AGPS: variants seen among roughly 807,000 people sequenced by gnomAD.
AGPS encodes alkylglycerone phosphate synthase.
In AGPS, 26 loss-of-function variants were observed where a neutral mutation model predicts 90.7. The observed-to-expected ratio is 0.29, with a 90% CI of 0.21 to 0.40. The LOEUF is 0.40. Ranked by LOEUF, AGPS falls within the 10% of genes least tolerant of loss-of-function variation. The pLI, the probability that AGPS is intolerant of heterozygous loss-of-function variation, is 1.00. For missense variants in AGPS, 540 were observed against 816.1 expected (o/e 0.66, Z 4.12); for synonymous variants, 294 against 285.3 (o/e 1.03, Z -0.31).
At position 177,542,663 on chromosome 2, in the gene AGPS, CT is replaced by C. The variant is rs1478707088; in HGVS notation, c.*4472del. ...CATATATACATGTTTTTAAGACAAC[CT>C]TTTGTTGGCAGTGTTTTTCCTGAAC... On this transcript the variant is annotated 3_prime_UTR_variant, in exon 20 of 20. Transcript: ENST00000264167. 1.3e-5 allele frequency: 2 copies of C among 152,040 alleles called. No homozygotes were observed. The highest frequency in any genetic ancestry group is 2.9e-5 in the Non-Finnish European group (2 of 67,996). The allele number at this position is 152,040 out of a possible 1,614,324, so 9.4% of individuals were successfully genotyped here. A position where few individuals can be genotyped will look rare whatever the true frequency, so the allele number is the denominator to read the frequency against.
At chr2:177,512,960 C>G (rs1254338446) in intron 16 of AGPS, among the ~76,000 whole-genome samples, 1 of 152,106 alleles carries the variant, frequency 6.6e-6, no homozygotes, top group African/African-American at 2.4e-5. Context: ...CCTCCTGTCT[C>G]AGCCTCCCAA....
At chr2:177,508,844 C>G (rs904371182) in intron 16 of AGPS, among the ~76,000 whole-genome samples, 3 of 152,118 alleles carry the variant, frequency 2.0e-5, no homozygotes, top group African/African-American at 7.2e-5. Flanking sequence ...GGAAATTTCA[C>G]TGGAAATCAC....
chr2:177,399,968 G>C (rs1685288251), intron 1 of AGPS, among the ~76,000 whole-genome samples: 3 of 152,162 alleles, frequency 2.0e-5, no homozygotes, highest in Admixed American at 2.0e-4. Flanking sequence ...CCATTGGGTA[G>C]ATATATACCA....
intron 19 of AGPS, among the ~76,000 whole-genome samples, chr2:177,535,929 C>T (rs1304303304): frequency 6.6e-6 from 1 of 151,702 alleles, no homozygotes; most frequent in Non-Finnish European, 1.5e-5. Context: ...TTCTACTTCA[C>T]TAATCAAATG....
chr2:177,462,099 T>A, intron 9 of AGPS, 81 bp downstream of exon 9: 1 of 1,329,952 alleles, frequency 7.5e-7, no homozygotes, highest in Non-Finnish European at 1.0e-6. Flanking sequence ...CTTTAAAAAT[T>A]AAGAGTTGGG....
rs1172040227 is a variant in AGPS, at chr2:177,436,139, AT to A, written c.442-606del. Among the ~76,000 whole-genome samples the A allele has an allele frequency of 2.9e-3, 242 of 82,140 alleles. 7 individuals are homozygous for A. The East Asian group carries it at 0.052, about 18-fold the overall frequency. 53.9% of individuals were successfully genotyped at this position (82,140 alleles called of 152,430 possible). On this transcript the variant is annotated intron_variant, in intron 3 of 19. Coordinates refer to ENST00000264167, the MANE Select transcript of AGPS (RefSeq NM_003659.4). Reference sequence around the variant, plus strand: ...GCAATTGAAGAATAAGAAATGCTGAATTTTTTTTTTTTTTTTTTTGCGACAG... The same window carrying A: ...GCAATTGAAGAATAAGAAATGCTGAATTTTTTTTTTTTTTTTTTGCGACAG...
chr2:177,492,775 C>T lies in AGPS; in HGVS notation c.1234-373C>T, dbSNP rs182669656. 5.7e-3 allele frequency among the ~76,000 whole-genome samples: 862 copies of T among 152,292 alleles called. 6 individuals carry two copies. The highest frequency in any genetic ancestry group is 8.9e-3 in the Non-Finnish European group (607 of 68,016). On this transcript the variant is annotated intron_variant, in intron 11 of 19. Transcript: ENST00000264167. ...TCATAAAATGGCATAATACTTGAGGCACTGGATTTTAGTTTTAGAAACATC... is the reference window on the plus strand; with the variant it reads ...TCATAAAATGGCATAATACTTGAGGTACTGGATTTTAGTTTTAGAAACATC...
At chr2:177,448,347 C>A (rs1466569001) in intron 8 of AGPS, among the ~76,000 whole-genome samples, 2 of 152,114 alleles carry the variant, frequency 1.3e-5, no homozygotes, top group Non-Finnish European at 2.9e-5. Context: ...TTATTGAGCA[C>A]TATTTGCTTC....
At chr2:177,513,576 G>A (rs139526272) in intron 16 of AGPS, among the ~76,000 whole-genome samples, 76 of 152,266 alleles carry the variant, frequency 5.0e-4, no homozygotes, top group African/African-American at 1.7e-3. Flanking sequence ...AGACTTGAGT[G>A]TGTTCTTGTG....
rs374942614 is a variant in AGPS, at chr2:177,442,296, A to G, written c.710-111A>G. 112 of 833,190 alleles carry G rather than the reference A, an allele frequency of 1.3e-4. 3 individuals carry two copies. In the South Asian group the frequency reaches 1.5e-3, roughly 11 times the overall value. 51.6% of individuals were successfully genotyped at this position (833,190 alleles called of 1,614,324 possible). A position where few individuals can be genotyped will look rare whatever the true frequency, so the allele number is the denominator to read the frequency against. ...TGTATTTTGCAAAGTATTAATAGGT[A>G]TCACTTTTCTAGTGGCCCTATCTGT... On this transcript the variant is annotated intron_variant, in intron 6 of 19. Transcript: ENST00000264167.
intron 1 of AGPS, among the ~76,000 whole-genome samples, chr2:177,415,739 C>A (rs1487089748): frequency 1.3e-5 from 2 of 152,102 alleles, no homozygotes; most frequent in Non-Finnish European, 2.9e-5. Flanking sequence ...ACTGCCCTCA[C>A]CAGTTACCAA....
rs1448000275 is a variant in AGPS at position 177,515,339 on chromosome 2, T to C, written c.1697+1431T>C. On this transcript the variant is annotated intron_variant, in intron 17 of 19. Coordinates refer to ENST00000264167, the MANE Select transcript of AGPS (RefSeq NM_003659.4). Reference sequence around the variant, plus strand: ...AATCCTGAAAACAAATCAGACATAATAATCCAAAAGCTATTTGTTACCATT... The same window carrying C: ...AATCCTGAAAACAAATCAGACATAACAATCCAAAAGCTATTTGTTACCATT... Among the ~76,000 whole-genome samples the C allele has an allele frequency of 2.0e-5, 3 of 152,262 alleles. No homozygotes were observed. In the East Asian group the frequency reaches 5.8e-4, roughly 29 times the overall value.
At chr2:177,476,793 C>T (rs2105686992) in intron 10 of AGPS, among the ~76,000 whole-genome samples, 1 of 152,148 alleles carries the variant, frequency 6.6e-6, no homozygotes, top group East Asian at 1.9e-4. Flanking sequence ...TTATCTATTT[C>T]TCCCTTCATT....
intron 14 of AGPS, among the ~76,000 whole-genome samples, chr2:177,501,825 G>A (rs140014988): frequency 6.6e-6 from 1 of 152,102 alleles, no homozygotes; most frequent in African/African-American, 2.4e-5. Flanking sequence ...ATGCCACCAC[G>A]CCTGGCTAAC....
At position 177,513,814 on chromosome 2, in the gene AGPS, T is replaced by C. The variant is rs748600211; in HGVS notation, c.1608-5T>C. ...TTAATATTGTATTCATTTATCTTTTTTTAGGGTGGTAGATCTCTGTAGAAA... is the reference window on the plus strand; with the variant it reads ...TTAATATTGTATTCATTTATCTTTTCTTAGGGTGGTAGATCTCTGTAGAAA... On this transcript the variant is annotated splice_region_variant and splice_polypyrimidine_tract_variant and intron_variant, in intron 16 of 19. Transcript: ENST00000264167. 2.5e-6 allele frequency: 4 copies of C among 1,604,118 alleles called. No individual in the cohort carries two copies. In the African/African-American group the frequency reaches 5.4e-5, roughly 21 times the overall value.
rs550725509 is a variant in AGPS, at chr2:177,440,836, C to T, written c.638-129C>T. On this transcript the variant is annotated intron_variant, in intron 5 of 19. Transcript: ENST00000264167. ...GTAAAGTGTTTTAGTACTCAATTAA[C>T]TCATTGTGTTAATGAGCAAATGAAT... 1.4e-5 allele frequency: 10 copies of T among 730,054 alleles called. No individual in the cohort carries two copies. In the South Asian group the frequency reaches 1.6e-4, roughly 12 times the overall value. 45.2% of individuals were successfully genotyped at this position (730,054 alleles called of 1,614,324 possible).
In AGPS at chr2:177,392,891, C is replaced by T. The variant is rs1685059425; in HGVS notation, c.102C>T (p.Ala34=). The change falls in exon 1 of 20, where the codon GCC becomes GCT. Residue 34 remains alanine, a synonymous_variant. Transcript: ENST00000264167. ...DRDRDPDPDR[A]GRRLRVLSGH... is the part of the protein sequence containing the mutation. ...ACCGGGACCCGGACCCGGACCGCGC[C>T]GGGCGGAGGCTGCGGGTTCTCTCTG... 6 of 1,550,644 alleles carry T rather than the reference C, an allele frequency of 3.9e-6. No homozygotes were observed. Among genetic ancestry groups the T allele is most frequent in the Non-Finnish European group, 5.2e-6 (6 of 1,147,938 alleles).
intron 7 of AGPS, 113 bp from the exon 8 acceptor site, chr2:177,445,433 C>T (rs1271727195): frequency 3.4e-6 from 3 of 885,412 alleles, no homozygotes; most frequent in Non-Finnish European, 5.6e-6. Flanking sequence ...TGAGGGGAAC[C>T]CTTCTTGCTT....
intron 11 of AGPS, among the ~76,000 whole-genome samples, chr2:177,484,003 C>G (rs1296860537): frequency 1.4e-5 from 1 of 71,826 alleles, no homozygotes; most frequent in Non-Finnish European, 2.7e-5. Flanking sequence ...GAACAGGAAG[C>G]TAGGGTGTTT....
Sources: allele counts gnomAD v4.1 joint callset (sites outside exome capture counted in the v4.1 genomes callset), GRCh38; gene constraint gnomAD v4.1.1; transcripts MANE v1.5; gene names NCBI Gene and HGNC (gene_info 2026-07-23, HGNC 2026-07-21).